Variants in KCNIP4 observed in about 807,000 individuals in gnomAD.
KCNIP4 encodes the protein Kv channel-interacting protein 4.
Under a neutral mutation model 34.0 loss-of-function variants are expected in KCNIP4, and 12 were observed. The ratio of observed to expected loss-of-function variants is 0.35; its 90% CI spans 0.23 to 0.57. KCNIP4 has a LOEUF of 0.57. Among genes scored for constraint, KCNIP4 ranks in the 20% least tolerant of loss-of-function variants. The pLI is 0.83. For synonymous variants in KCNIP4, 124 were observed against 102.2 expected (o/e 1.21, Z -1.29); for missense variants, 238 against 311.7 (o/e 0.76, Z 1.78).
intron 1 of KCNIP4, among the ~76,000 whole-genome samples, chr4:20,904,884 A>G (rs1341339521): frequency 6.6e-6 from 1 of 152,154 alleles, no homozygotes; most frequent in Non-Finnish European, 1.5e-5. Context: ...AGTAGTCAGA[A>G]GGTGTTTTTA....
intron 1 of KCNIP4, among the ~76,000 whole-genome samples, chr4:21,155,978 T>A (rs2109261196): frequency 6.6e-6 from 1 of 152,260 alleles, no homozygotes; most frequent in African/African-American, 2.4e-5. Flanking sequence ...TGGACACAAC[T>A]TTATACCACT....
chr4:21,795,231 C>A (rs757745738), intron 1 of KCNIP4, among the ~76,000 whole-genome samples: 3 of 152,134 alleles, frequency 2.0e-5, no homozygotes, highest in African/African-American at 7.2e-5. Flanking sequence ...GGGAAGCGTG[C>A]ACACAGAAGA....
intron 1 of KCNIP4, among the ~76,000 whole-genome samples, chr4:21,024,826 A>T (rs186636002): frequency 6.6e-6 from 1 of 152,196 alleles, no homozygotes; most frequent in Non-Finnish European, 1.5e-5. Flanking sequence ...AAATAATTCT[A>T]TCTCAAATCT....
chr4:21,355,673 C>A (rs944711449), intron 1 of KCNIP4, among the ~76,000 whole-genome samples: 9 of 152,050 alleles, frequency 5.9e-5, no homozygotes, highest in East Asian at 5.8e-4. Context: ...GCCTACCAAC[C>A]AAGAAAAAGT....
chr4:21,155,717 A>G (rs914450589), intron 1 of KCNIP4, among the ~76,000 whole-genome samples: 5 of 152,152 alleles, frequency 3.3e-5, no homozygotes, highest in African/African-American at 9.6e-5. Flanking sequence ...TGAAATGACA[A>G]TAGAAAGAAA....
intron 1 of KCNIP4, among the ~76,000 whole-genome samples, chr4:21,126,174 T>C (rs139365617): frequency 6.6e-6 from 1 of 152,258 alleles, no homozygotes; most frequent in East Asian, 1.9e-4. Context: ...AAGATTCTAA[T>C]GGTTGAAATA....
chr4:20,740,068 G>A lies in KCNIP4; in HGVS notation c.430-5333C>T, dbSNP rs189400772. On this transcript the variant is annotated intron_variant, in intron 5 of 8. Coordinates refer to ENST00000382152, the MANE Select transcript of KCNIP4 (RefSeq NM_025221.6). ...AAAAATGAGTTAAACAAAGCCTCCA[G>A]GAAATATGGGACTATGTGAAAAGGC... Among the ~76,000 whole-genome samples the A allele has an allele frequency of 2.3e-3, 354 of 152,110 alleles. 8 individuals carry two copies. The South Asian group carries it at 0.046, about 20-fold the overall frequency.
intron 1 of KCNIP4, among the ~76,000 whole-genome samples, chr4:21,401,577 GA>G (rs985542227): frequency 2.6e-5 from 4 of 151,986 alleles, no homozygotes; most frequent in East Asian, 1.9e-4. Flanking sequence ...AATGTAGCAA[GA>G]AAAAAAATCC....
chr4:21,831,194 C>T (rs1310098029), intron 1 of KCNIP4, among the ~76,000 whole-genome samples: 1 of 151,838 alleles, frequency 6.6e-6, no homozygotes, highest in African/African-American at 2.4e-5. Context: ...TAAAGGCTGA[C>T]ATCAAACAAG....
At chr4:21,817,851 C>T (rs151234598) in intron 1 of KCNIP4, among the ~76,000 whole-genome samples, 2,274 of 152,196 alleles carry the variant, frequency 0.015, 25 homozygotes, top group Non-Finnish European at 0.023. Flanking sequence ...ATATGTGCAC[C>T]GCTGAACACA....
intron 3 of KCNIP4, among the ~76,000 whole-genome samples, chr4:20,777,147 G>A (rs919827677): frequency 2.6e-5 from 4 of 152,158 alleles, no homozygotes; most frequent in African/African-American, 7.2e-5. Context: ...TAGTTCCACA[G>A]GGCTATAGAC....
chr4:20,983,177 T>G (rs1022335328), intron 1 of KCNIP4, among the ~76,000 whole-genome samples: 4 of 152,188 alleles, frequency 2.6e-5, no homozygotes, highest in African/African-American at 9.7e-5. Context: ...GTTAGATGGA[T>G]CTAATTTTTA....
chr4:21,453,529 G>A (rs1208433637), intron 1 of KCNIP4, among the ~76,000 whole-genome samples: 3 of 151,962 alleles, frequency 2.0e-5, no homozygotes, highest in Non-Finnish European at 2.9e-5. Context: ...TTTCCAGGAT[G>A]TGAAACTTCC....
chr4:21,479,557 A>G (rs905268742), intron 1 of KCNIP4, among the ~76,000 whole-genome samples: 2 of 152,170 alleles, frequency 1.3e-5, no homozygotes, highest in African/African-American at 2.4e-5. Flanking sequence ...GTTTACAAGT[A>G]CTTTATAAGC....
chr4:21,198,908 C>G (rs1756262400), intron 1 of KCNIP4, among the ~76,000 whole-genome samples: 1 of 151,726 alleles, frequency 6.6e-6, no homozygotes, highest in African/African-American at 2.4e-5. Context: ...CTTTCTCTAT[C>G]TGAGGAGTAA....
intron 1 of KCNIP4, among the ~76,000 whole-genome samples, chr4:21,638,810 G>A (rs1435758550): frequency 6.6e-6 from 1 of 152,164 alleles, no homozygotes; most frequent in Non-Finnish European, 1.5e-5. Flanking sequence ...CAGAATTTCA[G>A]TCTTGAAAGA....
At chr4:21,472,066 G>A (rs772772639) in intron 1 of KCNIP4, among the ~76,000 whole-genome samples, 7 of 152,138 alleles carry the variant, frequency 4.6e-5, no homozygotes, top group Non-Finnish European at 7.3e-5. Flanking sequence ...ATGTGGCAGA[G>A]GTGCCTTGAA....
Position 21,657,080 on chromosome 4 carries a change from C to T in KCNIP4, c.61+291491G>A, listed in dbSNP as rs1021920388. 3.3e-5 allele frequency among the ~76,000 whole-genome samples: 5 copies of T among 152,266 alleles called. No homozygotes were observed. In the South Asian group the frequency reaches 8.3e-4, roughly 25 times the overall value. ...CCTGACCCAGGTCAATAAATGTCAG[C>T]TAGTGTGATGAATAATAATAACAGT... On this transcript the variant is annotated intron_variant, in intron 1 of 8. Transcript: ENST00000382152.
intron 1 of KCNIP4, among the ~76,000 whole-genome samples, chr4:21,934,097 C>T (rs571709360): frequency 3.3e-5 from 5 of 151,992 alleles, no homozygotes; most frequent in Non-Finnish European, 7.4e-5. Context: ...GCCCATTGTC[C>T]TTGGAGGGGG....
Sources: gnomAD v4.1 joint callset for allele counts (sites outside exome capture counted in the v4.1 genomes callset) on GRCh38, gnomAD v4.1.1 for gene constraint, MANE v1.5 for transcripts, NCBI Gene and HGNC (gene_info 2026-07-23, HGNC 2026-07-21) for gene names.